PHACTR1: variants seen among roughly 807,000 people sequenced by gnomAD.
PHACTR1 encodes RPEL repeat containing 1.
A neutral mutation model predicts 69.2 loss-of-function variants in PHACTR1; 16 were observed. The ratio of observed to expected loss-of-function variants is 0.23; its 90% CI spans 0.16 to 0.35. The LOEUF (loss-of-function observed/expected upper bound fraction) is 0.35, where lower values mean the gene tolerates loss of function less well. PHACTR1 is among the 10% of genes least tolerant of loss of function. The pLI is 1.00. For missense variants in PHACTR1, 510 were observed against 734.7 expected, an observed-to-expected ratio of 0.69 and a Z score of 3.54; for synonymous variants, 312 against 284.5, an observed-to-expected ratio of 1.10 and a Z score of -0.97.
intron 5 of PHACTR1, among the ~76,000 whole-genome samples, chr6:13,082,203 T>C (rs1222526009): frequency 1.3e-5 from 2 of 152,024 alleles, no homozygotes; most frequent in Admixed American, 1.3e-4. Flanking sequence ...CCGTTAGGAG[T>C]GTATGCTGGT....
intron 4 of PHACTR1, among the ~76,000 whole-genome samples, chr6:12,856,748 C>A (rs1780412272): frequency 6.6e-6 from 1 of 152,212 alleles, no homozygotes; most frequent in African/African-American, 2.4e-5. Context: ...CCAACCAGCT[C>A]TCAGCAGCTG....
chr6:13,143,034 A>G (rs1218796979), intron 5 of PHACTR1, among the ~76,000 whole-genome samples: 1 of 152,210 alleles, frequency 6.6e-6, no homozygotes, highest in Non-Finnish European at 1.5e-5. Flanking sequence ...ACAGAAAGAC[A>G]CACTTCACAT....
chr6:12,889,617 C>G (rs1783969244), intron 4 of PHACTR1, among the ~76,000 whole-genome samples: 1 of 151,986 alleles, frequency 6.6e-6, no homozygotes, highest in Admixed American at 6.6e-5. Flanking sequence ...TTTTTTTGGC[C>G]ATTTTGATGC....
chr6:12,776,916 C>A (rs994542780), intron 4 of PHACTR1, among the ~76,000 whole-genome samples: 8 of 152,084 alleles, frequency 5.3e-5, no homozygotes, highest in Non-Finnish European at 7.4e-5. Flanking sequence ...TTACAAAATA[C>A]CACCTTTAAT....
At chr6:12,835,196 G>A (rs1256807388) in intron 4 of PHACTR1, among the ~76,000 whole-genome samples, 1 of 152,076 alleles carries the variant, frequency 6.6e-6, no homozygotes, top group African/African-American at 2.4e-5. Context: ...GAGGTGAGAA[G>A]TCAGGTGGGG....
chr6:13,189,831 A>G (rs1010762736), intron 7 of PHACTR1, among the ~76,000 whole-genome samples: 3 of 152,126 alleles, frequency 2.0e-5, no homozygotes, highest in Admixed American at 1.3e-4. Flanking sequence ...TGCCGCAACT[A>G]AAGAATGTAG....
intron 4 of PHACTR1, among the ~76,000 whole-genome samples, chr6:12,806,503 A>G (rs934091979): frequency 6.6e-6 from 1 of 152,038 alleles, no homozygotes; most frequent in Admixed American, 6.6e-5. Flanking sequence ...AATCTGTTAG[A>G]GAGGGGGTCT....
At chr6:12,929,400 C>T (rs893657100) in intron 4 of PHACTR1, among the ~76,000 whole-genome samples, 6 of 152,166 alleles carry the variant, frequency 3.9e-5, no homozygotes, top group African/African-American at 7.2e-5. Flanking sequence ...ACTCCAGAGA[C>T]CCCAGTCCTT....
intron 4 of PHACTR1, among the ~76,000 whole-genome samples, chr6:12,759,095 G>A (rs1385721967): frequency 1.5e-5 from 2 of 137,252 alleles, no homozygotes; most frequent in Non-Finnish European, 1.5e-5. Context: ...TTGCACTCCA[G>A]CTGGGTGAAG....
At chr6:12,758,430 C>G (rs1028201823) in intron 4 of PHACTR1, among the ~76,000 whole-genome samples, 3 of 147,408 alleles carry the variant, frequency 2.0e-5, no homozygotes, top group Non-Finnish European at 3.0e-5. Context: ...CACGCCATTG[C>G]CCTCCAGCCT....
chr6:12,993,048 C>T (rs1045205953), intron 4 of PHACTR1, among the ~76,000 whole-genome samples: 1 of 152,186 alleles, frequency 6.6e-6, no homozygotes, highest in African/African-American at 2.4e-5. Flanking sequence ...ACATGCCTAG[C>T]CCCCAGGTGG....
At chr6:12,846,647 G>A (rs1484185309) in intron 4 of PHACTR1, among the ~76,000 whole-genome samples, 1 of 151,408 alleles carries the variant, frequency 6.6e-6, no homozygotes, top group Non-Finnish European at 1.5e-5. Context: ...AACTTTTGAA[G>A]TAATATTAAT....
At position 12,740,089 on chromosome 6, in the gene PHACTR1, T is replaced by C. The variant is rs376694544; in HGVS notation, c.104-9555T>C. Among the ~76,000 whole-genome samples the C allele has an allele frequency of 1.8e-4, 27 of 152,364 alleles. No homozygotes were observed. The East Asian group carries it at 2.3e-3, about 13-fold the overall frequency. ...TGTGTAAATGGAATCATGTGGTATGTAGTCTTTCAGGGCTGGCATCTTTTG... is the reference window on the plus strand; with the variant it reads ...TGTGTAAATGGAATCATGTGGTATGCAGTCTTTCAGGGCTGGCATCTTTTG... On this transcript the variant is annotated intron_variant, in intron 3 of 14. Transcript: ENST00000332995.
chr6:13,236,478 G>T (rs1362300033), intron 10 of PHACTR1, among the ~76,000 whole-genome samples: 1 of 152,100 alleles, frequency 6.6e-6, no homozygotes, highest in Non-Finnish European at 1.5e-5. Flanking sequence ...TTCCTTCTGA[G>T]GGCTGCGAGG....
chr6:12,925,232 A>T (rs1788144800), intron 4 of PHACTR1, among the ~76,000 whole-genome samples: 2 of 152,158 alleles, frequency 1.3e-5, no homozygotes, highest in South Asian at 2.1e-4. Flanking sequence ...TTGAGGGCTC[A>T]ACTGACTTGT....
intron 4 of PHACTR1, among the ~76,000 whole-genome samples, chr6:13,037,240 A>C (rs933719496): frequency 1.1e-4 from 16 of 152,094 alleles, no homozygotes; most frequent in African/African-American, 3.4e-4. Flanking sequence ...TAGGACTTAG[A>C]GATACAGAAT....
In PHACTR1 at chr6:13,269,319, T is replaced by C. The variant is rs368862213; in HGVS notation, c.1392-3541T>C. Among the ~76,000 whole-genome samples the C allele has an allele frequency of 2.0e-5, 3 of 152,226 alleles. No homozygotes were observed. In the East Asian group the frequency reaches 5.8e-4, roughly 29 times the overall value. ...GGTGAGAAAGAGCTGTTAAGATCTTTCAACGTGGAGTTGGTAAGCTGCATT... is the reference window on the plus strand; with the variant it reads ...GGTGAGAAAGAGCTGTTAAGATCTTCCAACGTGGAGTTGGTAAGCTGCATT... On this transcript the variant is annotated intron_variant, in intron 10 of 14. Coordinates refer to ENST00000332995, the MANE Select transcript of PHACTR1 (RefSeq NM_030948.6).
chr6:12,967,257 G>A (rs1484490082), intron 4 of PHACTR1, among the ~76,000 whole-genome samples: 4 of 152,038 alleles, frequency 2.6e-5, no homozygotes, highest in Admixed American at 2.0e-4. Flanking sequence ...TTCTCAAATG[G>A]CCCTCCAAGA....
intron 4 of PHACTR1, among the ~76,000 whole-genome samples, chr6:12,798,482 C>G (rs1393031006): frequency 6.6e-6 from 1 of 152,156 alleles, no homozygotes; most frequent in African/African-American, 2.4e-5. Context: ...GCATTCCAGA[C>G]TCAAGGAACA....
Sources: allele counts gnomAD v4.1 joint callset (sites outside exome capture counted in the v4.1 genomes callset), GRCh38; gene constraint gnomAD v4.1.1; transcripts MANE v1.5; gene names NCBI Gene and HGNC (gene_info 2026-07-23, HGNC 2026-07-21).